XPA: variants seen among roughly 807,000 people sequenced by gnomAD.
XPA encodes XPA, DNA damage recognition and repair factor, also known as DNA repair protein complementing XP-A cells.
In XPA, 27 loss-of-function variants were observed where a neutral mutation model predicts 35.7. The observed-to-expected ratio is 0.76, with a 90% CI of 0.56 to 1.04. XPA has a LOEUF of 1.04. Ranked by LOEUF, XPA falls within the 50% of genes least tolerant of loss-of-function variation. The pLI, the probability that XPA is intolerant of heterozygous loss-of-function variation, is 0.00. For missense variants in XPA, 354 were observed against 342.7 expected (o/e 1.03, Z -0.26); for synonymous variants, 133 against 118.4 (o/e 1.12, Z -0.80).
downstream of XPA, chr9:97,670,939 C>T: frequency 2.1e-6 from 1 of 486,262 alleles, no homozygotes; most frequent in Non-Finnish European, 3.7e-6. Context: ...TGGGGATTTT[C>T]AGGGGTCCAT....
At chr9:97,687,983 G>A (rs1828773135) in intron 3 of XPA, among the ~76,000 whole-genome samples, 1 of 152,130 alleles carries the variant, frequency 6.6e-6, no homozygotes, top group African/African-American at 2.4e-5. Flanking sequence ...TCTATCAGAG[G>A]ATTCTATCAC....
At chr9:97,660,991 T>A in the XPA span, 6 of 1,612,888 alleles carry the variant, frequency 3.7e-6, no homozygotes, top group Non-Finnish European at 5.1e-6. Context: ...GCTGTTGCCT[T>A]TAAAAGTAAG....
intron 5 of XPA, among the ~76,000 whole-genome samples, chr9:97,680,714 C>T (rs1828514481): frequency 1.3e-5 from 2 of 152,092 alleles, no homozygotes; most frequent in South Asian, 2.1e-4. Flanking sequence ...CAACTTAAAA[C>T]TTAGGAAAGC....
chr9:97,657,991 A>G, the XPA span, among the ~76,000 whole-genome samples: 79 of 147,988 alleles, frequency 5.3e-4, no homozygotes, highest in East Asian at 0.011. Flanking sequence ...CTAGAACAAC[A>G]TATTTAGGAT....
the XPA span, among the ~76,000 whole-genome samples, chr9:97,656,440 G>A: frequency 2.0e-5 from 3 of 152,300 alleles, no homozygotes; most frequent in East Asian, 1.9e-4. Context: ...TTTGCGAGGC[G>A]TGTTGGCGAA....
chr9:97,668,403 C>T, the XPA span, among the ~76,000 whole-genome samples: 2 of 152,246 alleles, frequency 1.3e-5, no homozygotes, highest in Admixed American at 6.5e-5. Flanking sequence ...AAACAGCCCA[C>T]TTTGAATTAT....
chr9:97,674,058 G>GT (rs1828277448), downstream of XPA, among the ~76,000 whole-genome samples: 1 of 152,036 alleles, frequency 6.6e-6, no homozygotes, highest in Non-Finnish European at 1.5e-5. Flanking sequence ...ATAAAAACAG[G>GT]TTTTGGAGTA....
At chr9:97,659,040 G>A in the XPA span, among the ~76,000 whole-genome samples, 1 of 152,200 alleles carries the variant, frequency 6.6e-6, no homozygotes, top group South Asian at 2.1e-4. Flanking sequence ...TATTTGTCAT[G>A]GTGATGGAGG....
At chr9:97,690,282 C>T (rs1201482467) in intron 2 of XPA, among the ~76,000 whole-genome samples, 1 of 152,242 alleles carries the variant, frequency 6.6e-6, no homozygotes, top group Non-Finnish European at 1.5e-5. Flanking sequence ...ACGATCTCAG[C>T]TCAGTGTAAC....
chr9:97,684,365 T>A (rs1828641364), intron 5 of XPA, among the ~76,000 whole-genome samples: 1 of 152,194 alleles, frequency 6.6e-6, no homozygotes, highest in Non-Finnish European at 1.5e-5. Context: ...CAAAGACAGA[T>A]GCATGGATAG....
chr9:97,675,230 G>T lies in XPA; in HGVS notation c.*209C>A. Reference sequence around the variant, plus strand: ...GTTGTAAGAAGGCAATCACAGACATGACATTGTGCACACAACCAGGCCAGG... The same window carrying T: ...GTTGTAAGAAGGCAATCACAGACATTACATTGTGCACACAACCAGGCCAGG... On this transcript the variant is annotated 3_prime_UTR_variant, in exon 6 of 6. Coordinates refer to ENST00000375128, the MANE Select transcript of XPA (RefSeq NM_000380.4). The T allele has an allele frequency of 1.5e-6, 1 of 671,958 alleles. No homozygotes were observed. Among genetic ancestry groups the T allele is most frequent in the Non-Finnish European group, 2.7e-6 (1 of 372,462 alleles). 41.6% of individuals were successfully genotyped at this position (671,958 alleles called of 1,614,324 possible).
At chr9:97,673,205 G>A (rs1828248008), downstream of XPA, 1 of 152,124 alleles carries the variant, frequency 6.6e-6, no homozygotes, top group Non-Finnish European at 1.5e-5. Context: ...GTCAGCAGTG[G>A]GCTATTGGTG....
Position 97,687,208 on chromosome 9 carries a change from T to A in XPA, c.443A>T (p.Tyr148Phe). 6.2e-7 allele frequency: 1 copy of A among 1,611,402 alleles called. No homozygotes were observed. The highest frequency in any genetic ancestry group is 8.5e-7 in the Non-Finnish European group (1 of 1,179,184). The change falls in exon 4 of 6, where the codon TAT becomes TTT. Residue 148 changes from tyrosine (Y) to phenylalanine (F), a missense_variant. Coordinates refer to ENST00000375128, the MANE Select transcript of XPA (RefSeq NM_000380.4). ...LITKTEAKQE[Y>F]LLKDCDLEKR... ...TTCTAAATCACAGTCTTTCAGAAGA[T>A]ATTCTTGTTTTGCCTCTGTTTTGGT...
the XPA span, among the ~76,000 whole-genome samples, chr9:97,664,779 G>A: frequency 1.3e-5 from 2 of 152,170 alleles, no homozygotes; most frequent in Admixed American, 6.5e-5. Context: ...ACTCGGGAAG[G>A]GTTCCAGCTT....
At chr9:97,667,385 C>T in the XPA span, among the ~76,000 whole-genome samples, 1 of 152,062 alleles carries the variant, frequency 6.6e-6, no homozygotes, top group Admixed American at 6.6e-5. Flanking sequence ...AAAGTATTTT[C>T]CAGTGTTATG....
chr9:97,664,667 G>T, the XPA span, among the ~76,000 whole-genome samples: 2 of 152,068 alleles, frequency 1.3e-5, no homozygotes, highest in Non-Finnish European at 2.9e-5. Flanking sequence ...TTGAATCAAG[G>T]CTAAGCCAGT....
At chr9:97,663,673 T>C in the XPA span, among the ~76,000 whole-genome samples, 1 of 151,588 alleles carries the variant, frequency 6.6e-6, no homozygotes, top group African/African-American at 2.4e-5. Context: ...TTAGTAGAGA[T>C]GGGGTTTCAC....
chr9:97,659,032 T>C, the XPA span, among the ~76,000 whole-genome samples: 12 of 152,234 alleles, frequency 7.9e-5, no homozygotes, highest in Non-Finnish European at 1.0e-4. Flanking sequence ...AAAACGTGTA[T>C]TTGTCATGGT....
At chr9:97,670,404 C>T (rs1406267343), downstream of XPA, among the ~76,000 whole-genome samples, 3 of 152,140 alleles carry the variant, frequency 2.0e-5, no homozygotes, top group African/African-American at 4.8e-5. Flanking sequence ...AGCAAAATGC[C>T]GGCACCTATT....
Sources: gnomAD v4.1 joint callset for allele counts (sites outside exome capture counted in the v4.1 genomes callset) on GRCh38, gnomAD v4.1.1 for gene constraint, MANE v1.5 for transcripts, NCBI Gene and HGNC (gene_info 2026-07-23, HGNC 2026-07-21) for gene names.